AHCYL2: variants seen among roughly 807,000 people sequenced by gnomAD.
AHCYL2 encodes the protein adenosylhomocysteinase like 2, also known as S-adenosylhomocysteine hydrolase-like protein 2.
A neutral mutation model predicts 81.4 loss-of-function variants in AHCYL2; 28 were observed. The observed-to-expected ratio is 0.34, with a 90% CI of 0.25 to 0.47. The LOEUF is 0.47. Ranked by LOEUF, AHCYL2 falls within the 20% of genes least tolerant of loss-of-function variation. AHCYL2 has a pLI of 1.00. For synonymous variants in AHCYL2, 272 were observed against 290.2 expected, an observed-to-expected ratio of 0.94 and a Z score of 0.64; for missense variants, 551 against 785.1, an observed-to-expected ratio of 0.70 and a Z score of 3.56.
At chr7:129,364,143 G>A (rs1330527315) in intron 1 of AHCYL2, among the ~76,000 whole-genome samples, 1 of 152,028 alleles carries the variant, frequency 6.6e-6, no homozygotes, top group Non-Finnish European at 1.5e-5. Flanking sequence ...GGAGGTTGAG[G>A]TGGCAGGATC....
At chr7:129,225,464 A>G (rs769212618) in intron 1 of AHCYL2, 25 bp downstream of exon 1, 25 of 1,485,226 alleles carry the variant, frequency 1.7e-5, no homozygotes, top group Non-Finnish European at 6.2e-6. Flanking sequence ...CTGCCTCTCT[A>G]GGAGAGGAAG....
intron 11 of AHCYL2, 102 bp downstream of exon 11, chr7:129,409,648 A>G (rs916599427): frequency 7.0e-5 from 69 of 979,624 alleles, no homozygotes; most frequent in Middle Eastern, 2.2e-4. Flanking sequence ...TCTAAAAGCT[A>G]GAGAGAGATA....
At chr7:129,333,412 G>A (rs1452203306) in intron 1 of AHCYL2, among the ~76,000 whole-genome samples, 1 of 151,788 alleles carries the variant, frequency 6.6e-6, no homozygotes, top group Non-Finnish European at 1.5e-5. Context: ...GTCAGTGACT[G>A]TCAAGTATTT....
intron 1 of AHCYL2, among the ~76,000 whole-genome samples, chr7:129,236,020 CTTTTTTTTT>C (rs947797821): frequency 9.3e-5 from 12 of 129,596 alleles, no homozygotes; most frequent in Non-Finnish European, 1.8e-4. Context: ...CAAAGATAGC[CTTTTTTTTT>C]TTTTTTTTTG....
At chr7:129,237,418 G>A (rs1250290594) in intron 1 of AHCYL2, among the ~76,000 whole-genome samples, 1 of 152,012 alleles carries the variant, frequency 6.6e-6, no homozygotes, top group Admixed American at 6.6e-5. Flanking sequence ...TTAACTCTTA[G>A]TTTACATGTA....
rs113846262 is a variant in AHCYL2, at chr7:129,363,488, CA to C, written c.364-16142del. Among the ~76,000 whole-genome samples the C allele has an allele frequency of 2.0e-5, 3 of 151,516 alleles. No individual in the cohort carries two copies. The South Asian group carries it at 6.2e-4, about 32-fold the overall frequency. On this transcript the variant is annotated intron_variant, in intron 1 of 16. Coordinates refer to ENST00000325006, the MANE Select transcript of AHCYL2 (RefSeq NM_015328.4). Reference sequence around the variant, plus strand: ...TTAGTTAAAACCTACAGTAAGGAAACAAAAAAAAGTCATAACTAAAAACAAC... The same window carrying C: ...TTAGTTAAAACCTACAGTAAGGAAACAAAAAAAGTCATAACTAAAAACAAC...
chr7:129,302,114 T>C (rs1797277091), intron 1 of AHCYL2, among the ~76,000 whole-genome samples: 1 of 152,204 alleles, frequency 6.6e-6, no homozygotes, highest in African/African-American at 2.4e-5. Context: ...GGTTAATTCC[T>C]AGGTATTTAA....
chr7:129,353,127 T>C (rs1464409479), intron 1 of AHCYL2, among the ~76,000 whole-genome samples: 1 of 152,046 alleles, frequency 6.6e-6, no homozygotes, highest in Non-Finnish European at 1.5e-5. Flanking sequence ...TGTATACTTT[T>C]AGTAGAGATG....
rs527740230 is a variant in AHCYL2 at position 129,331,930 on chromosome 7, T to C, written c.364-47708T>C. ...GTGAGACAATCATTTCTTATTTCATTTTACATATAAAGTAACTTGGGCACT... is the reference window on the plus strand; with the variant it reads ...GTGAGACAATCATTTCTTATTTCATCTTACATATAAAGTAACTTGGGCACT... On this transcript the variant is annotated intron_variant, in intron 1 of 16. Coordinates refer to ENST00000325006, the MANE Select transcript of AHCYL2 (RefSeq NM_015328.4). Among the ~76,000 whole-genome samples, 41 of 151,846 alleles carry C rather than the reference T, an allele frequency of 2.7e-4. No homozygotes were observed. In the South Asian group the frequency reaches 8.5e-3, roughly 31 times the overall value.
At chr7:129,397,049 C>T (rs1795778512) in intron 4 of AHCYL2, among the ~76,000 whole-genome samples, 173 bp from the exon 5 acceptor site, 1 of 152,166 alleles carries the variant, frequency 6.6e-6, no homozygotes, top group Non-Finnish European at 1.5e-5. Flanking sequence ...CCCATGGCTT[C>T]CCCCAATACT....
intron 1 of AHCYL2, among the ~76,000 whole-genome samples, chr7:129,369,465 C>A (rs1041441187): frequency 1.3e-5 from 2 of 151,822 alleles, no homozygotes; most frequent in South Asian, 2.1e-4. Flanking sequence ...ACTTACATTT[C>A]AACTCATTGT....
At chr7:129,243,973 TTTATTTATTA>T (rs1794957714) in intron 1 of AHCYL2, among the ~76,000 whole-genome samples, 1 of 151,590 alleles carries the variant, frequency 6.6e-6, no homozygotes, top group Non-Finnish European at 1.5e-5. Flanking sequence ...TTTATTTTAT[TTTATTTATTA>T]TTTTTTTCTT....
chr7:129,293,432 G>A (rs752692824), intron 1 of AHCYL2, among the ~76,000 whole-genome samples: 4 of 151,934 alleles, frequency 2.6e-5, no homozygotes, highest in South Asian at 2.1e-4. Context: ...CTGGCTGGAC[G>A]CGGGAGGCCA....
chr7:129,363,368 C>A (rs140988002), intron 1 of AHCYL2, among the ~76,000 whole-genome samples: 5 of 152,170 alleles, frequency 3.3e-5, no homozygotes, highest in African/African-American at 1.2e-4. Flanking sequence ...AGTTAATAGG[C>A]CTTCAGTTCT....
At chr7:129,248,446 T>TTG (rs1438805111) in intron 1 of AHCYL2, among the ~76,000 whole-genome samples, 1 of 152,208 alleles carries the variant, frequency 6.6e-6, no homozygotes, top group African/African-American at 2.4e-5. Flanking sequence ...TAAATAGTTG[T>TTG]TACACTGTAT....
At chr7:129,362,207 T>C (rs1156303716) in intron 1 of AHCYL2, among the ~76,000 whole-genome samples, 1 of 152,168 alleles carries the variant, frequency 6.6e-6, no homozygotes, top group Non-Finnish European at 1.5e-5. Context: ...TTGTGTAGCC[T>C]GAGGATACAC....
intron 1 of AHCYL2, among the ~76,000 whole-genome samples, chr7:129,237,926 T>TG (rs1794698484): frequency 6.6e-6 from 1 of 152,116 alleles, no homozygotes. Context: ...TTCACCATCT[T>TG]GGCCAGGCTG....
At chr7:129,249,205 C>T (rs547732806) in intron 1 of AHCYL2, among the ~76,000 whole-genome samples, 1 of 151,968 alleles carries the variant, frequency 6.6e-6, no homozygotes, top group Admixed American at 6.5e-5. Flanking sequence ...GCCATGTTGT[C>T]CAGGCTAGTG....
At chr7:129,365,240 A>G (rs138757742) in intron 1 of AHCYL2, among the ~76,000 whole-genome samples, 19 of 152,342 alleles carry the variant, frequency 1.2e-4, no homozygotes, top group African/African-American at 4.3e-4. Context: ...TGGTAGAACT[A>G]TCATTCCTTT....
Sources: gnomAD v4.1 joint callset for allele counts (sites outside exome capture counted in the v4.1 genomes callset) on GRCh38, gnomAD v4.1.1 for gene constraint, MANE v1.5 for transcripts, NCBI Gene and HGNC (gene_info 2026-07-23, HGNC 2026-07-21) for gene names.